Variants in RASAL2 observed in about 807,000 individuals in gnomAD.
RASAL2 encodes ras GTPase-activating protein nGAP.
In RASAL2, 58 loss-of-function variants were observed where a neutral mutation model predicts 128.9. That is an observed-to-expected ratio of 0.45 (90% CI 0.36 to 0.56). The LOEUF is 0.56. Ranked by LOEUF, RASAL2 falls within the 20% of genes least tolerant of loss-of-function variation. RASAL2 has a pLI of 0.00. For synonymous variants in RASAL2, 561 were observed against 580.8 expected, an observed-to-expected ratio of 0.97 and a Z score of 0.49; for missense variants, 1,360 against 1,601.6, an observed-to-expected ratio of 0.85 and a Z score of 2.57.
At position 178,478,681 on chromosome 1, in the gene RASAL2, G is replaced by A. The variant is rs939997782; in HGVS notation, c.*5442G>A. On this transcript the variant is annotated 3_prime_UTR_variant, in exon 18 of 18. Coordinates refer to ENST00000367649, the MANE Select transcript of RASAL2 (RefSeq NM_170692.4). ...GTGCTAGTAGCATTTAGATTATTCC[G>A]TATGTGAGATCCGTATCAGCATTTC... 1.3e-5 allele frequency: 2 copies of A among 152,072 alleles called. No homozygotes were observed. The highest frequency in any genetic ancestry group is 2.9e-5 in the Non-Finnish European group (2 of 68,012). 9.4% of individuals were successfully genotyped at this position (152,072 alleles called of 1,614,324 possible).
In RASAL2 at chr1:178,457,693, A is replaced by G. The variant is rs1412171764; in HGVS notation, c.2401A>G (p.Lys801Glu). 6.2e-7 allele frequency: 1 copy of G among 1,613,004 alleles called. No homozygotes were observed. The highest frequency in any genetic ancestry group is 8.5e-7 in the Non-Finnish European group (1 of 1,179,338). ...FEDPTDSDLHKLKSPSQDNTD... is the reference protein window; with the variant it reads ...FEDPTDSDLHELKSPSQDNTD... ...TTTCCTTTTCCACAGTGATTTGCAT[A>G]AACTAAAATCTCCAAGCCAGGACAA... is the stretch of plus-strand genomic sequence containing the variant. Residue 801 changes from lysine to glutamate, a missense_variant, in exon 14 of 18, where the codon AAA (lysine) becomes GAA (glutamate). Physicochemically the swap from Lys to Glu is moderately conservative, Grantham distance 56. Coordinates refer to ENST00000367649, the MANE Select transcript of RASAL2 (RefSeq NM_170692.4).
At chr1:178,358,750 C>G (rs1331941732) in intron 3 of RASAL2, among the ~76,000 whole-genome samples, 1 of 151,926 alleles carries the variant, frequency 6.6e-6, no homozygotes, top group African/African-American at 2.4e-5. Context: ...ATTTATATAC[C>G]CTAAGCCCAG....
chr1:178,427,192 C>G (rs972133004), intron 5 of RASAL2, among the ~76,000 whole-genome samples: 1 of 152,070 alleles, frequency 6.6e-6, no homozygotes, highest in Non-Finnish European at 1.5e-5. Flanking sequence ...GGTGTTGGGA[C>G]ACAAAAAGAC....
intron 1 of RASAL2, among the ~76,000 whole-genome samples, chr1:178,103,997 T>C (rs189538739): frequency 2.5e-4 from 38 of 152,084 alleles, no homozygotes; most frequent in Non-Finnish European, 4.7e-4. Context: ...TCTTTTTTTT[T>C]CCCCCTCTAC....
At chr1:178,399,819 G>C (rs1414660342) in intron 4 of RASAL2, among the ~76,000 whole-genome samples, 2 of 152,162 alleles carry the variant, frequency 1.3e-5, no homozygotes, top group East Asian at 1.9e-4. Flanking sequence ...TAGTGCAGTA[G>C]AGATTCTTAA....
chr1:178,211,026 C>A lies in RASAL2; in HGVS notation c.203-72538C>A, dbSNP rs932227163. ...ATGGGCTAAAGGGACAGGGATTGGTCACCTGGGGTTTGAACCCTGTCAAGC... is the reference window on the plus strand; with the variant it reads ...ATGGGCTAAAGGGACAGGGATTGGTAACCTGGGGTTTGAACCCTGTCAAGC... On this transcript the variant is annotated intron_variant, in intron 1 of 17. Coordinates refer to ENST00000367649, the MANE Select transcript of RASAL2 (RefSeq NM_170692.4). Among the ~76,000 whole-genome samples, 11 of 152,294 alleles carry A rather than the reference C, an allele frequency of 7.2e-5. 1 individual carries two copies. The highest frequency in any genetic ancestry group is 2.6e-4 in the African/African-American group (11 of 41,566).
intron 3 of RASAL2, among the ~76,000 whole-genome samples, chr1:178,335,556 A>G (rs1669546475): frequency 1.3e-5 from 2 of 151,966 alleles, no homozygotes; most frequent in South Asian, 4.2e-4. Context: ...AAACACACAC[A>G]CACTCTCAGA....
chr1:178,366,103 G>C (rs965084930), intron 3 of RASAL2, among the ~76,000 whole-genome samples: 4 of 152,054 alleles, frequency 2.6e-5, no homozygotes, highest in Non-Finnish European at 5.9e-5. Context: ...TTTTGTTCTT[G>C]GTTTAGTAAG....
At chr1:178,322,153 T>C (rs1668820764) in intron 3 of RASAL2, among the ~76,000 whole-genome samples, 1 of 152,088 alleles carries the variant, frequency 6.6e-6, no homozygotes, top group South Asian at 2.1e-4. Flanking sequence ...ACTTTAGTCC[T>C]CATCACCTTC....
intron 3 of RASAL2, among the ~76,000 whole-genome samples, chr1:178,365,877 A>C (rs1403819156): frequency 6.6e-6 from 1 of 152,188 alleles, no homozygotes; most frequent in Non-Finnish European, 1.5e-5. Flanking sequence ...TTTGAGACAT[A>C]TTTTAATATT....
At chr1:178,453,472 G>C (rs945380778) in intron 11 of RASAL2, among the ~76,000 whole-genome samples, 2 of 151,722 alleles carry the variant, frequency 1.3e-5, no homozygotes, top group Non-Finnish European at 2.9e-5. Context: ...GGTTATTGTA[G>C]ATGAAAGGCA....
At chr1:178,273,617 T>C (rs2102180546) in intron 1 of RASAL2, among the ~76,000 whole-genome samples, 1 of 152,306 alleles carries the variant, frequency 6.6e-6, no homozygotes, top group Middle Eastern at 3.4e-3. Context: ...GAAATTAATT[T>C]GGAGTTTTAG....
At chr1:178,346,056 A>T (rs1215985132) in intron 3 of RASAL2, among the ~76,000 whole-genome samples, 1 of 152,060 alleles carries the variant, frequency 6.6e-6, no homozygotes, top group African/African-American at 2.4e-5. Context: ...TTATTTATGA[A>T]TCTCTATTGT....
At chr1:178,104,353 T>C (rs1449309092) in intron 1 of RASAL2, among the ~76,000 whole-genome samples, 1 of 152,174 alleles carries the variant, frequency 6.6e-6, no homozygotes, top group African/African-American at 2.4e-5. Context: ...TGTGCCAGTA[T>C]CACACAGCTT....
chr1:178,207,211 T>C (rs954239817), intron 1 of RASAL2, among the ~76,000 whole-genome samples: 13 of 151,480 alleles, frequency 8.6e-5, no homozygotes, highest in African/African-American at 2.9e-4. Flanking sequence ...GAAATACTGA[T>C]GTTATGTAAA....
chr1:178,237,570 A>G (rs947437707), intron 1 of RASAL2, among the ~76,000 whole-genome samples: 1 of 152,206 alleles, frequency 6.6e-6, no homozygotes, highest in Non-Finnish European at 1.5e-5. Context: ...GAGTTTACCA[A>G]TGTGGTGGTA....
rs547198930 is a variant in RASAL2, at chr1:178,144,040, C to T, written c.202+49346C>T. Among the ~76,000 whole-genome samples, 350 of 152,188 alleles carry T rather than the reference C, an allele frequency of 2.3e-3. 4 individuals are homozygous for T. The highest frequency in any genetic ancestry group is 8.0e-3 in the African/African-American group (333 of 41,538). The stretch of plus-strand genomic sequence containing the variant: ...TTATTCTTGTCACTGTTGAATGTCT[C>T]AAGAGTTGTGTGTGTATTCAGTTTC... On this transcript the variant is annotated intron_variant, in intron 1 of 17. Coordinates refer to ENST00000367649, the MANE Select transcript of RASAL2 (RefSeq NM_170692.4).
At chr1:178,366,576 A>AC (rs1279497126) in intron 3 of RASAL2, among the ~76,000 whole-genome samples, 100 of 76,238 alleles carry the variant, frequency 1.3e-3, no homozygotes, top group South Asian at 2.8e-3. Flanking sequence ...ATTACTTGGT[A>AC]CCTCCCACCC....
At chr1:178,131,074 A>AC (rs1660093564) in intron 1 of RASAL2, among the ~76,000 whole-genome samples, 4 of 150,888 alleles carry the variant, frequency 2.7e-5, no homozygotes, top group Admixed American at 2.0e-4. Flanking sequence ...CAAAAAAAAA[A>AC]CAAAAAAAAC....
Sources: gnomAD v4.1 joint callset for allele counts (sites outside exome capture counted in the v4.1 genomes callset) on GRCh38, gnomAD v4.1.1 for gene constraint, MANE v1.5 for transcripts, NCBI Gene and HGNC (gene_info 2026-07-23, HGNC 2026-07-21) for gene names.